NRXN3: variants seen among roughly 807,000 people sequenced by gnomAD.
NRXN3 encodes neurexin III.
NRXN3 carries 32 observed loss-of-function variants against 137.6 expected under a neutral mutation model. The ratio of observed to expected loss-of-function variants is 0.23; its 90% CI spans 0.18 to 0.31. The LOEUF is 0.31. Ranked by LOEUF, NRXN3 falls within the 10% of genes least tolerant of loss-of-function variation. The pLI is 1.00. For missense variants in NRXN3, 1,574 were observed against 2,062.5 expected, an observed-to-expected ratio of 0.76 and a Z score of 4.59; for synonymous variants, 798 against 784.5, an observed-to-expected ratio of 1.02 and a Z score of -0.29.
At chr14:78,772,962 CTT>C (rs1052890176) in intron 8 of NRXN3, among the ~76,000 whole-genome samples, 1 of 152,142 alleles carries the variant, frequency 6.6e-6, no homozygotes, top group African/African-American at 2.4e-5. Context: ...TCTATAATCT[CTT>C]GTTTTATTTC....
At chr14:78,182,368 G>A (rs908353066) in intron 1 of NRXN3, among the ~76,000 whole-genome samples, 3 of 152,016 alleles carry the variant, frequency 2.0e-5, no homozygotes, top group African/African-American at 7.3e-5. Context: ...AGAACTGAAG[G>A]ACAGATGGGG....
chr14:79,231,596 G>C (rs1283858117), intron 15 of NRXN3, among the ~76,000 whole-genome samples: 1 of 152,100 alleles, frequency 6.6e-6, no homozygotes, highest in Non-Finnish European at 1.5e-5. Context: ...CAGACTTAAG[G>C]ACTAAGGTTA....
chr14:78,658,457 T>A (rs2152669070), intron 6 of NRXN3, among the ~76,000 whole-genome samples: 1 of 152,320 alleles, frequency 6.6e-6, no homozygotes, highest in African/African-American at 2.4e-5. Flanking sequence ...TGTTATTAAT[T>A]GAAACAAAAT....
intron 15 of NRXN3, among the ~76,000 whole-genome samples, chr14:79,222,838 G>A (rs2070048124): frequency 1.3e-5 from 2 of 152,064 alleles, no homozygotes; most frequent in South Asian, 4.2e-4. Context: ...GGTGAGGTGT[G>A]TGTTCAGATC....
intron 8 of NRXN3, among the ~76,000 whole-genome samples, chr14:78,750,864 C>T (rs907291095): frequency 6.6e-6 from 1 of 152,066 alleles, no homozygotes; most frequent in Non-Finnish European, 1.5e-5. Context: ...ATTGGCCCTT[C>T]CTTTAGTTTC....
At chr14:78,357,650 A>G (rs1340951307) in intron 4 of NRXN3, among the ~76,000 whole-genome samples, 1 of 152,166 alleles carries the variant, frequency 6.6e-6, no homozygotes, top group African/African-American at 2.4e-5. Context: ...AAGCATAGCC[A>G]ATACAGAAGG....
In NRXN3 at chr14:78,333,100, T is replaced by C. The variant is rs192752391; in HGVS notation, c.757+35240T>C. On this transcript the variant is annotated intron_variant, in intron 4 of 20. Coordinates refer to ENST00000335750, the MANE Select transcript of NRXN3 (RefSeq NM_001330195.2). Reference sequence around the variant, plus strand: ...TTTGGTCCCTGGATAAATTTGCAAGTGCTAATCTAGTTGTTGCTGGAGAGC... The same window carrying C: ...TTTGGTCCCTGGATAAATTTGCAAGCGCTAATCTAGTTGTTGCTGGAGAGC... Among the ~76,000 whole-genome samples, 201 of 152,342 alleles carry C rather than the reference T, an allele frequency of 1.3e-3. 1 individual carries two copies. The highest frequency in any genetic ancestry group is 3.4e-3 in the Middle Eastern group (1 of 294).
intron 6 of NRXN3, among the ~76,000 whole-genome samples, chr14:78,666,409 G>GATAAGAA (rs2097887152): frequency 6.6e-6 from 1 of 152,144 alleles, no homozygotes; most frequent in African/African-American, 2.4e-5. Flanking sequence ...AAAAAGGAAA[G>GATAAGAA]ATAAGAAAAG....
In NRXN3 at chr14:79,328,574, C is replaced by T. The variant is rs76957757; in HGVS notation, c.3263-138647C>T. Among the ~76,000 whole-genome samples the T allele has an allele frequency of 8.3e-3, 1,266 of 152,256 alleles. 17 individuals are homozygous for T. Among genetic ancestry groups the T allele is most frequent in the African/African-American group, 0.029 (1,199 of 41,538 alleles). On this transcript the variant is annotated intron_variant, in intron 15 of 20. Transcript: ENST00000335750. ...TCTTTTTCCTTTTTCCATGGTTTCTCTCTCTAAACTTGTCATGTTGTTTTA... is the reference window on the plus strand; with the variant it reads ...TCTTTTTCCTTTTTCCATGGTTTCTTTCTCTAAACTTGTCATGTTGTTTTA...
chr14:78,720,569 T>C (rs995577693), intron 8 of NRXN3, among the ~76,000 whole-genome samples: 7 of 152,192 alleles, frequency 4.6e-5, no homozygotes, highest in African/African-American at 1.7e-4. Flanking sequence ...CTTTTATTTT[T>C]GTCCTATGAT....
chr14:79,373,064 A>C (rs2094157907), intron 15 of NRXN3, among the ~76,000 whole-genome samples: 1 of 152,112 alleles, frequency 6.6e-6, no homozygotes, highest in Non-Finnish European at 1.5e-5. Flanking sequence ...AACACCCCAA[A>C]TTACTGTCAA....
At chr14:78,254,881 T>C (rs1371305327) in intron 2 of NRXN3, among the ~76,000 whole-genome samples, 1 of 152,084 alleles carries the variant, frequency 6.6e-6, no homozygotes, top group East Asian at 1.9e-4. Flanking sequence ...GGACATGACA[T>C]GAAGCAGTAT....
intron 8 of NRXN3, among the ~76,000 whole-genome samples, chr14:78,789,809 G>A (rs1025568592): frequency 6.6e-6 from 1 of 151,954 alleles, no homozygotes; most frequent in Non-Finnish European, 1.5e-5. Flanking sequence ...TTATATTCTT[G>A]AAACATGGTT....
intron 3 of NRXN3, among the ~76,000 whole-genome samples, chr14:78,296,115 G>C (rs4903740): frequency 5.5e-5 from 8 of 145,620 alleles, no homozygotes; most frequent in Non-Finnish European, 1.0e-4. Flanking sequence ...CTGGAGTGCA[G>C]TGGTGCGATC....
At chr14:79,496,224 C>CTT (rs1333650450) in intron 16 of NRXN3, among the ~76,000 whole-genome samples, 1 of 143,952 alleles carries the variant, frequency 6.9e-6, no homozygotes, top group African/African-American at 2.8e-5. Context: ...TTCTCTCTCT[C>CTT]TCTCTCTCTC....
intron 6 of NRXN3, among the ~76,000 whole-genome samples, chr14:78,692,482 G>T (rs1266055514): frequency 6.6e-6 from 1 of 152,162 alleles, no homozygotes; most frequent in East Asian, 1.9e-4. Flanking sequence ...GCAATTATAG[G>T]ATTCCCTAGA....
At chr14:79,263,743 C>T (rs7161543) in intron 15 of NRXN3, among the ~76,000 whole-genome samples, 41,950 of 151,978 alleles carry the variant, frequency 0.28, 6,796 homozygotes, top group Admixed American at 0.43. Flanking sequence ...AAAAAAAATG[C>T]ATACCCAAAG....
intron 19 of NRXN3, among the ~76,000 whole-genome samples, chr14:79,789,841 T>A (rs1470019028): frequency 6.6e-6 from 1 of 152,176 alleles, no homozygotes; most frequent in Admixed American, 6.5e-5. Flanking sequence ...ATACCTTAAC[T>A]ATCTGGGAAT....
At chr14:79,600,387 A>T (rs568385752) in intron 16 of NRXN3, among the ~76,000 whole-genome samples, 9 of 152,312 alleles carry the variant, frequency 5.9e-5, no homozygotes, top group African/African-American at 1.7e-4. Context: ...CCTAAAGCCC[A>T]CATGTATACT....
Sources: gnomAD v4.1 joint callset for allele counts (sites outside exome capture counted in the v4.1 genomes callset) on GRCh38, gnomAD v4.1.1 for gene constraint, MANE v1.5 for transcripts, NCBI Gene and HGNC (gene_info 2026-07-23, HGNC 2026-07-21) for gene names.